GPC6: variants seen among roughly 807,000 people sequenced by gnomAD.
GPC6 encodes the protein glypican 6, also known as glypican-6.
GPC6 carries 14 observed loss-of-function variants against 55.2 expected under a neutral mutation model. That is an observed-to-expected ratio of 0.25 (90% CI 0.17 to 0.40). The LOEUF (loss-of-function observed/expected upper bound fraction) is 0.40. Among genes scored for constraint, GPC6 ranks in the 10% least tolerant of loss-of-function variants. The pLI, the probability that GPC6 is intolerant of heterozygous loss-of-function variation, is 1.00. For missense variants in GPC6, 641 were observed against 708.5 expected (o/e 0.90, Z 1.08); for synonymous variants, 278 against 259.6 (o/e 1.07, Z -0.68).
At chr13:94,170,370 A>T (rs1888519815) in intron 4 of GPC6, among the ~76,000 whole-genome samples, 1 of 152,226 alleles carries the variant, frequency 6.6e-6, no homozygotes, top group Non-Finnish European at 1.5e-5. Flanking sequence ...TCATGCCAGT[A>T]ACTCAGCCTC....
chr13:94,375,158 A>T (rs933710603), intron 6 of GPC6, among the ~76,000 whole-genome samples: 1 of 151,104 alleles, frequency 6.6e-6, no homozygotes, highest in Non-Finnish European at 1.5e-5. Flanking sequence ...AGAACTAGAA[A>T]AGCAAGAGCA....
chr13:93,889,839 C>G (rs1875560618), intron 3 of GPC6, among the ~76,000 whole-genome samples: 3 of 152,050 alleles, frequency 2.0e-5, no homozygotes, highest in Non-Finnish European at 4.4e-5. Flanking sequence ...TGATCTCTGC[C>G]TCTTGCTTTT....
chr13:93,901,537 C>T (rs945371559), intron 3 of GPC6, among the ~76,000 whole-genome samples: 1 of 152,164 alleles, frequency 6.6e-6, no homozygotes, highest in Middle Eastern at 3.4e-3. Context: ...TTTGAAAATT[C>T]TGAATCAACT....
intron 1 of GPC6, among the ~76,000 whole-genome samples, chr13:93,259,602 T>C (rs1877068620): frequency 6.6e-6 from 1 of 152,162 alleles, no homozygotes; most frequent in African/African-American, 2.4e-5. Flanking sequence ...GTTTGTCTTA[T>C]TTTTCCTGTG....
At chr13:93,910,386 C>A (rs1225361483) in intron 3 of GPC6, among the ~76,000 whole-genome samples, 1 of 152,116 alleles carries the variant, frequency 6.6e-6, no homozygotes, top group Admixed American at 6.6e-5. Flanking sequence ...GACCATTAAA[C>A]CTCTTTCCTT....
At chr13:94,331,350 TCCTTTCAGAGAGG>T (rs1487561331) in intron 6 of GPC6, among the ~76,000 whole-genome samples, 1 of 152,066 alleles carries the variant, frequency 6.6e-6, no homozygotes, top group African/African-American at 2.4e-5. Flanking sequence ...ATACTACCTA[TCCTTTCAGAGAGG>T]AAGTTTGCCC....
intron 3 of GPC6, among the ~76,000 whole-genome samples, chr13:93,931,839 G>C (rs1031112798): frequency 2.0e-5 from 3 of 150,864 alleles, no homozygotes; most frequent in Non-Finnish European, 2.9e-5. Flanking sequence ...GGTTTCTTCT[G>C]TGTTGTCTCT....
chr13:93,946,313 G>A (rs1337196457), intron 3 of GPC6, among the ~76,000 whole-genome samples: 1 of 152,092 alleles, frequency 6.6e-6, no homozygotes, highest in Non-Finnish European at 1.5e-5. Flanking sequence ...GTTTATTTTT[G>A]TAGACATGAG....
chr13:93,925,279 T>G (rs897716205), intron 3 of GPC6, among the ~76,000 whole-genome samples: 6 of 151,492 alleles, frequency 4.0e-5, no homozygotes, highest in African/African-American at 1.2e-4. Flanking sequence ...GTCTTTTCTA[T>G]TTTTTTTTAA....
chr13:93,524,439 T>C (rs1032426807), intron 1 of GPC6, among the ~76,000 whole-genome samples: 3 of 151,970 alleles, frequency 2.0e-5, no homozygotes, highest in African/African-American at 7.2e-5. Flanking sequence ...TGAGGGGAGC[T>C]TGCAGACTGA....
At chr13:94,151,391 C>T (rs622908) in intron 4 of GPC6, among the ~76,000 whole-genome samples, 85,223 of 151,914 alleles carry the variant, frequency 0.56, 25,719 homozygotes, top group Non-Finnish European at 0.66. Flanking sequence ...TATATCTGTC[C>T]CCCTTGACAC....
intron 1 of GPC6, among the ~76,000 whole-genome samples, chr13:93,420,762 A>G (rs1191853924): frequency 6.6e-6 from 1 of 152,162 alleles, no homozygotes; most frequent in Non-Finnish European, 1.5e-5. Flanking sequence ...AATTCACTGG[A>G]GTCCCACCAT....
chr13:93,422,912 CAGAGT>C (rs1475044438), intron 1 of GPC6, among the ~76,000 whole-genome samples: 9 of 152,068 alleles, frequency 5.9e-5, no homozygotes, highest in Admixed American at 5.9e-4. Flanking sequence ...TTAAAAAGCA[CAGAGT>C]AGAGATTTAA....
chr13:93,750,764 A>G lies in GPC6; in HGVS notation c.320-79390A>G, dbSNP rs556929915. Among the ~76,000 whole-genome samples, 9 of 152,282 alleles carry G rather than the reference A, an allele frequency of 5.9e-5. No homozygotes were observed. The South Asian group carries it at 1.9e-3, about 32-fold the overall frequency. ...CCTTGTGAGGCGCATGATTTTACCT[A>G]GTTGGTTGGATGGGCGTGAGGCCAG... is the stretch of plus-strand genomic sequence containing the variant. On this transcript the variant is annotated intron_variant, in intron 2 of 8. Transcript: ENST00000377047.
At chr13:93,529,941 A>G (rs1203115528) in intron 1 of GPC6, among the ~76,000 whole-genome samples, 2 of 152,210 alleles carry the variant, frequency 1.3e-5, no homozygotes, top group East Asian at 3.9e-4. Context: ...AAATAAATAA[A>G]TGAAGAAAGT....
intron 2 of GPC6, among the ~76,000 whole-genome samples, chr13:93,609,364 G>A (rs140401205): frequency 2.0e-5 from 3 of 152,226 alleles, no homozygotes; most frequent in East Asian, 3.9e-4. Flanking sequence ...ACCGGCACAC[G>A]CCACCACACC....
At chr13:94,221,366 A>G (rs1030218696) in intron 4 of GPC6, among the ~76,000 whole-genome samples, 1 of 152,148 alleles carries the variant, frequency 6.6e-6, no homozygotes, top group African/African-American at 2.4e-5. Flanking sequence ...TGAAACTAAT[A>G]AAACTGCCCT....
intron 4 of GPC6, among the ~76,000 whole-genome samples, chr13:94,101,973 G>C (rs1885881336): frequency 6.6e-6 from 1 of 152,034 alleles, no homozygotes; most frequent in African/African-American, 2.4e-5. Flanking sequence ...AATGGAATGA[G>C]CAATTATCAA....
At chr13:93,943,611 A>T (rs1398321526) in intron 3 of GPC6, among the ~76,000 whole-genome samples, 1 of 151,808 alleles carries the variant, frequency 6.6e-6, no homozygotes, top group Admixed American at 6.6e-5. Context: ...TCTGCCTCAC[A>T]GTCTCTTTCA....
Sources: gnomAD v4.1 joint callset for allele counts (sites outside exome capture counted in the v4.1 genomes callset) on GRCh38, gnomAD v4.1.1 for gene constraint, MANE v1.5 for transcripts, NCBI Gene and HGNC (gene_info 2026-07-23, HGNC 2026-07-21) for gene names.